CYRIB: variants seen among roughly 807,000 people sequenced by gnomAD.
CYRIB encodes the protein CYFIP-related Rac1 interactor B.
Under a neutral mutation model 44.2 loss-of-function variants are expected in CYRIB, and 8 were observed. The ratio of observed to expected loss-of-function variants is 0.18; its 90% confidence interval spans 0.11 to 0.33. The LOEUF is 0.33. CYRIB is among the 10% of genes least tolerant of loss of function. The pLI is 1.00. For missense variants in CYRIB, 185 were observed against 382.8 expected (o/e 0.48, Z 4.31); for synonymous variants, 131 against 127.2 (o/e 1.03, Z -0.20).
chr8:129,893,880 T>C (rs1158872052), intron 2 of CYRIB, among the ~76,000 whole-genome samples: 2 of 151,986 alleles, frequency 1.3e-5, no homozygotes, highest in African/African-American at 2.4e-5. Flanking sequence ...TATTTTAAGA[T>C]TTTTTACTCC....
chr8:129,870,878 C>T (rs1467453311), intron 4 of CYRIB, among the ~76,000 whole-genome samples: 1 of 151,996 alleles, frequency 6.6e-6, no homozygotes, highest in African/African-American at 2.4e-5. Flanking sequence ...AGTTTCAGAA[C>T]AGGATGAAGA....
At chr8:129,847,643 T>C (rs1586927855) in intron 10 of CYRIB, among the ~76,000 whole-genome samples, 2 of 152,166 alleles carry the variant, frequency 1.3e-5, no homozygotes, top group African/African-American at 4.8e-5. Context: ...TACGAAGTGT[T>C]ATGCCTGGCA....
chr8:129,977,681 G>A (rs534285803), intron 1 of CYRIB, among the ~76,000 whole-genome samples: 9 of 152,078 alleles, frequency 5.9e-5, no homozygotes, highest in Admixed American at 1.3e-4. Context: ...ACAGGCGCCC[G>A]CCACCACGCC....
At chr8:129,975,242 G>A (rs1279817287) in intron 1 of CYRIB, among the ~76,000 whole-genome samples, 11 of 151,928 alleles carry the variant, frequency 7.2e-5, no homozygotes, top group East Asian at 1.9e-4. Context: ...TCTCGAACTC[G>A]TAACCTCAAG....
intron 2 of CYRIB, among the ~76,000 whole-genome samples, chr8:129,957,114 A>G (rs1434409177): frequency 6.6e-6 from 1 of 152,162 alleles, no homozygotes; most frequent in Non-Finnish European, 1.5e-5. Context: ...CTCCCACCAC[A>G]GCCTCCCTAA....
chr8:130,012,309 A>G (rs1028698589), intron 1 of CYRIB, among the ~76,000 whole-genome samples: 2 of 152,192 alleles, frequency 1.3e-5, no homozygotes, highest in African/African-American at 2.4e-5. Context: ...GCGCCACACA[A>G]AAGTCCACAA....
intron 1 of CYRIB, among the ~76,000 whole-genome samples, chr8:129,930,214 A>T (rs1243903001): frequency 6.6e-6 from 1 of 151,254 alleles, no homozygotes; most frequent in Non-Finnish European, 1.5e-5. Context: ...CTGTCTCAAA[A>T]AAAACAAACA....
chr8:129,893,983 C>G (rs1434329840), intron 2 of CYRIB, among the ~76,000 whole-genome samples: 1 of 152,088 alleles, frequency 6.6e-6, no homozygotes, highest in African/African-American at 2.4e-5. Flanking sequence ...ACTGGATTTT[C>G]TCACTCAATA....
intron 1 of CYRIB, among the ~76,000 whole-genome samples, chr8:129,928,260 G>T (rs2089189573): frequency 6.7e-6 from 1 of 150,242 alleles, no homozygotes; most frequent in Admixed American, 6.7e-5. Flanking sequence ...GATTACTTGA[G>T]CCCTGAGTTT....
At chr8:129,870,247 C>T (rs1285265990) in intron 4 of CYRIB, among the ~76,000 whole-genome samples, 1 of 151,936 alleles carries the variant, frequency 6.6e-6, no homozygotes, top group Non-Finnish European at 1.5e-5. Flanking sequence ...ACATGGCAAA[C>T]CCTGCCTCTA....
intron 1 of CYRIB, among the ~76,000 whole-genome samples, chr8:130,000,183 C>CTGAGGAGAAGAGAGCCCAGATG (rs2096877353): frequency 6.6e-6 from 1 of 152,056 alleles, no homozygotes; most frequent in Admixed American, 6.5e-5. Flanking sequence ...TTCCCAGGTG[C>CTGAGGAGAAGAGAGCCCAGATG]TGAGGAGAAG....
intron 1 of CYRIB, among the ~76,000 whole-genome samples, chr8:129,909,590 T>C (rs992869048): frequency 6.6e-6 from 1 of 152,216 alleles, no homozygotes; most frequent in Non-Finnish European, 1.5e-5. Context: ...ATTTTCTCAC[T>C]GCTGGACATT....
chr8:129,892,586 T>G (rs1035947447), intron 2 of CYRIB, among the ~76,000 whole-genome samples: 2 of 152,182 alleles, frequency 1.3e-5, no homozygotes, highest in Non-Finnish European at 2.9e-5. Context: ...CTGGAAATAT[T>G]TTATTTTAGA....
intron 2 of CYRIB, among the ~76,000 whole-genome samples, chr8:129,898,091 T>G (rs1013664963): frequency 2.3e-4 from 2 of 8,812 alleles, no homozygotes; most frequent in African/African-American, 3.8e-4. Context: ...TTTAAGTTTT[T>G]TTGTTTTTTT....
Position 129,845,001 on chromosome 8 carries a change from A to G in CYRIB, c.911+1803T>C, listed in dbSNP as rs954874036. The stretch of plus-strand genomic sequence containing the variant: ...TTTCTAGTTTCCATTATCTATTATA[A>G]TAGGAAAGAAAATGTACCAAACTGA... On this transcript the variant is annotated intron_variant, in intron 11 of 11. Coordinates refer to ENST00000519824, the Ensembl canonical transcript of CYRIB. 2.0e-5 allele frequency among the ~76,000 whole-genome samples: 3 copies of G among 152,166 alleles called. No individual in the cohort carries two copies. In the South Asian group the frequency reaches 6.2e-4, roughly 32 times the overall value.
intron 1 of CYRIB, among the ~76,000 whole-genome samples, chr8:129,982,786 C>T (rs1429939755): frequency 6.6e-6 from 1 of 152,186 alleles, no homozygotes; most frequent in Non-Finnish European, 1.5e-5. Context: ...ATCTCTAAAA[C>T]CCTTGCCTGT....
At chr8:129,907,869 G>A (rs1167820920) in intron 1 of CYRIB, among the ~76,000 whole-genome samples, 2 of 152,180 alleles carry the variant, frequency 1.3e-5, no homozygotes, top group Non-Finnish European at 2.9e-5. Context: ...AGGCATGGTG[G>A]TGCATGCCTG....
intron 2 of CYRIB, among the ~76,000 whole-genome samples, chr8:129,951,379 C>T (rs1183854810): frequency 6.6e-6 from 1 of 151,868 alleles, no homozygotes; most frequent in African/African-American, 2.4e-5. Context: ...AATCCATCAA[C>T]CTCAAGGACA....
At chr8:129,849,839 A>C (rs532882665) in intron 9 of CYRIB, 3 of 153,046 alleles carry the variant, frequency 2.0e-5, no homozygotes, top group African/African-American at 7.2e-5. Context: ...TATAGTGAAA[A>C]ATCACTAGCT....
Sources: gnomAD v4.1 joint callset for allele counts (sites outside exome capture counted in the v4.1 genomes callset) on GRCh38, gnomAD v4.1.1 for gene constraint, MANE v1.5 for transcripts, NCBI Gene and HGNC (gene_info 2026-07-23, HGNC 2026-07-21) for gene names.